Variants in TMTC2 observed in about 807,000 individuals in gnomAD.
TMTC2 encodes transmembrane O-mannosyltransferase targeting cadherins 2.
A neutral mutation model predicts 82.4 loss-of-function variants in TMTC2; 43 were observed. The ratio of observed to expected loss-of-function variants is 0.52; its 90% confidence interval spans 0.41 to 0.67. TMTC2 has a LOEUF of 0.67. Ranked by LOEUF, TMTC2 falls within the 30% of genes least tolerant of loss-of-function variation. The pLI, the probability that TMTC2 is intolerant of heterozygous loss-of-function variation, is 0.00. For missense variants in TMTC2, 919 were observed against 1,012.4 expected, an observed-to-expected ratio of 0.91 and a Z score of 1.25; for synonymous variants, 408 against 381.9, an observed-to-expected ratio of 1.07 and a Z score of -0.80.
chr12:82,825,249 AT>A (rs1043746893), intron 1 of TMTC2, among the ~76,000 whole-genome samples: 1 of 152,208 alleles, frequency 6.6e-6, no homozygotes, highest in Non-Finnish European at 1.5e-5. Context: ...TTGAAAAAAC[AT>A]TTTTTGAACT....
chr12:82,687,680 G>T lies in TMTC2; in HGVS notation c.83+11G>T. ...CTGCTATGATGACAGGTAAGGGGCC[G>T]AGAGGAGGGGGCGACGGGCTGCAGG... is the stretch of plus-strand genomic sequence containing the variant. On this transcript the variant is annotated intron_variant, in intron 1 of 11. Coordinates refer to ENST00000321196, the MANE Select transcript of TMTC2 (RefSeq NM_152588.3). 6.3e-7 allele frequency: 1 copy of T among 1,599,960 alleles called. No homozygotes were observed. Among genetic ancestry groups the T allele is most frequent in the South Asian group, 1.1e-5 (1 of 88,008 alleles).
intron 11 of TMTC2, among the ~76,000 whole-genome samples, chr12:83,062,827 C>T (rs185697316): frequency 4.2e-4 from 64 of 151,876 alleles, no homozygotes; most frequent in African/African-American, 1.4e-3. Flanking sequence ...TTAATGTTCC[C>T]TGAAAGAGAC....
chr12:83,005,223 AAG>A (rs1491344230), intron 8 of TMTC2, among the ~76,000 whole-genome samples: 2 of 11,730 alleles, frequency 1.7e-4, no homozygotes, highest in Non-Finnish European at 9.7e-4. Flanking sequence ...AAAAAAAAAA[AAG>A]GGGAGAGAGA....
intron 3 of TMTC2, among the ~76,000 whole-genome samples, chr12:82,910,163 T>G (rs1160543443): frequency 2.0e-5 from 3 of 152,162 alleles, no homozygotes; most frequent in Admixed American, 2.0e-4. Flanking sequence ...TCTCAAGAAG[T>G]TATGGAAAAA....
intron 1 of TMTC2, among the ~76,000 whole-genome samples, chr12:82,818,522 A>AT (rs1868886679): frequency 6.6e-6 from 1 of 152,120 alleles, no homozygotes; most frequent in African/African-American, 2.4e-5. Flanking sequence ...TCTCCAGGTC[A>AT]TTGGTAACAG....
At position 83,134,290 on chromosome 12, in the gene TMTC2, C is replaced by T. The variant is rs1368755081; in HGVS notation, c.*1901C>T. ...TCATCTTTTAGTGCATTGGCAATTG[C>T]AAAAAAAAAAAAGGAATTTAATATA... On this transcript the variant is annotated 3_prime_UTR_variant, in exon 12 of 12. Coordinates refer to ENST00000321196, the MANE Select transcript of TMTC2 (RefSeq NM_152588.3). 1 of 137,410 alleles carries T rather than the reference C, an allele frequency of 7.3e-6. No homozygotes were observed. Among genetic ancestry groups the T allele is most frequent in the Non-Finnish European group, 1.6e-5 (1 of 61,990 alleles). The allele number at this position is 137,410 out of a possible 1,614,324, so 8.5% of individuals were successfully genotyped here.
At chr12:82,688,720 T>G (rs1872447839) in intron 1 of TMTC2, among the ~76,000 whole-genome samples, 1 of 152,218 alleles carries the variant, frequency 6.6e-6, no homozygotes, top group African/African-American at 2.4e-5. Flanking sequence ...GAGCACAGAT[T>G]TACTTTGACA....
intron 8 of TMTC2, among the ~76,000 whole-genome samples, chr12:82,992,333 T>A (rs1255835977): frequency 6.6e-6 from 1 of 152,216 alleles, no homozygotes; most frequent in African/African-American, 2.4e-5. Flanking sequence ...ATATTTGGGT[T>A]TTTTTGTTTG....
intron 1 of TMTC2, among the ~76,000 whole-genome samples, chr12:82,717,122 A>G (rs926556409): frequency 6.6e-6 from 1 of 152,166 alleles, no homozygotes; most frequent in African/African-American, 2.4e-5. Flanking sequence ...AGGTCCTTCA[A>G]GCAGTTCTGT....
At chr12:82,700,258 AATGAG>A (rs1158652133) in intron 1 of TMTC2, among the ~76,000 whole-genome samples, 1 of 152,192 alleles carries the variant, frequency 6.6e-6, no homozygotes, top group Non-Finnish European at 1.5e-5. Flanking sequence ...GGGAGAATTT[AATGAG>A]ATAAGTTATG....
chr12:82,961,774 T>C (rs1235776778), intron 4 of TMTC2, among the ~76,000 whole-genome samples: 1 of 152,038 alleles, frequency 6.6e-6, no homozygotes, highest in Non-Finnish European at 1.5e-5. Context: ...AGTACAGTAA[T>C]TTTCTACACC....
intron 1 of TMTC2, among the ~76,000 whole-genome samples, chr12:82,820,377 C>G (rs1565764757): frequency 6.7e-6 from 1 of 149,414 alleles, no homozygotes; most frequent in African/African-American, 2.5e-5. Flanking sequence ...TTTCTTTTCT[C>G]TTTTTTTTTT....
chr12:82,835,377 C>G (rs764313063), intron 1 of TMTC2, among the ~76,000 whole-genome samples: 47 of 152,284 alleles, frequency 3.1e-4, no homozygotes, highest in Non-Finnish European at 5.9e-4. Context: ...CTCACTGACT[C>G]ATTGACTCTT....
intron 3 of TMTC2, among the ~76,000 whole-genome samples, chr12:82,897,103 T>C (rs1409603611): frequency 6.6e-6 from 1 of 152,212 alleles, no homozygotes; most frequent in Non-Finnish European, 1.5e-5. Context: ...GATTTGGAGA[T>C]TTCACTGCCT....
chr12:83,026,807 G>A (rs778120169), intron 8 of TMTC2, among the ~76,000 whole-genome samples: 9 of 150,748 alleles, frequency 6.0e-5, no homozygotes, highest in Non-Finnish European at 1.0e-4. Context: ...TCAGTGATTG[G>A]GAGAGATGCT....
intron 1 of TMTC2, among the ~76,000 whole-genome samples, chr12:82,714,321 G>GA (rs1198897556): frequency 6.6e-6 from 1 of 152,112 alleles, no homozygotes; most frequent in Non-Finnish European, 1.5e-5. Context: ...TAAATATTTA[G>GA]AAAGTTGTAA....
chr12:82,812,469 G>GT (rs1448325624), intron 1 of TMTC2, among the ~76,000 whole-genome samples: 1 of 152,092 alleles, frequency 6.6e-6, no homozygotes, highest in Admixed American at 6.6e-5. Flanking sequence ...ACTTAGCCAA[G>GT]TTTTTTGAGT....
chr12:82,823,168 T>C (rs1222361297), intron 1 of TMTC2, among the ~76,000 whole-genome samples: 1 of 152,192 alleles, frequency 6.6e-6, no homozygotes, highest in Non-Finnish European at 1.5e-5. Flanking sequence ...TATTATATTA[T>C]ATGCTGAAAC....
intron 1 of TMTC2, among the ~76,000 whole-genome samples, chr12:82,818,560 T>C (rs1332494204): frequency 1.3e-5 from 2 of 152,158 alleles, no homozygotes; most frequent in Non-Finnish European, 2.9e-5. Context: ...GAAGTATTTG[T>C]GTTTATTTCC....
Sources: allele counts gnomAD v4.1 joint callset (sites outside exome capture counted in the v4.1 genomes callset), GRCh38; gene constraint gnomAD v4.1.1; transcripts MANE v1.5; gene names NCBI Gene and HGNC (gene_info 2026-07-23, HGNC 2026-07-21).